The following SGMS1 variants were observed in gnomAD, a reference collection of about 807,000 sequenced individuals.
The protein encoded by SGMS1 is sphingomyelin synthase 1.
In SGMS1, 13 loss-of-function variants were observed where a neutral mutation model predicts 46.2. The ratio of observed to expected loss-of-function variants is 0.28; its 90% CI spans 0.18 to 0.45. The LOEUF (loss-of-function observed/expected upper bound fraction) is 0.45. Ranked by LOEUF, SGMS1 falls within the 20% of genes least tolerant of loss-of-function variation. The pLI, the probability that SGMS1 is intolerant of heterozygous loss-of-function variation, is 1.00. For missense variants in SGMS1, 324 were observed against 519.9 expected (o/e 0.62, Z 3.66); for synonymous variants, 203 against 187.8 (o/e 1.08, Z -0.66).
At chr10:50,312,421 C>A (rs1287868680) in intron 8 of SGMS1, among the ~76,000 whole-genome samples, 1 of 150,870 alleles carries the variant, frequency 6.6e-6, no homozygotes, top group Non-Finnish European at 1.5e-5. Flanking sequence ...TCACTGAATG[C>A]TCAACATAAT....
At chr10:50,525,178 T>G (rs1837890045) in intron 2 of SGMS1, among the ~76,000 whole-genome samples, 1 of 152,172 alleles carries the variant, frequency 6.6e-6, no homozygotes, top group Non-Finnish European at 1.5e-5. Flanking sequence ...CCTCAAGAAG[T>G]TCTTATACTG....
At chr10:50,549,114 A>T (rs572959401) in intron 2 of SGMS1, among the ~76,000 whole-genome samples, 2 of 152,362 alleles carry the variant, frequency 1.3e-5, no homozygotes, top group Admixed American at 6.5e-5. Flanking sequence ...AATTAGTCCA[A>T]CCATTGTGGA....
chr10:50,342,617 A>C (rs1477905848), intron 7 of SGMS1: 1 of 152,234 alleles, frequency 6.6e-6, no homozygotes, highest in Non-Finnish European at 1.5e-5. Context: ...CTTAATATTT[A>C]ACCACATGGT....
At chr10:50,425,271 T>C (rs1328312636) in intron 6 of SGMS1, among the ~76,000 whole-genome samples, 1 of 152,058 alleles carries the variant, frequency 6.6e-6, no homozygotes, top group East Asian at 1.9e-4. Flanking sequence ...AAATAAATCA[T>C]TATACCAAAA....
At chr10:50,508,551 T>G (rs1183319678) in intron 3 of SGMS1, among the ~76,000 whole-genome samples, 1 of 152,224 alleles carries the variant, frequency 6.6e-6, no homozygotes, top group African/African-American at 2.4e-5. Context: ...CCCTTTCTGA[T>G]GGGATTTCAC....
intron 6 of SGMS1, among the ~76,000 whole-genome samples, chr10:50,376,186 T>C (rs991743010): frequency 6.6e-6 from 1 of 152,076 alleles, no homozygotes; most frequent in Non-Finnish European, 1.5e-5. Flanking sequence ...GAGGGGGGTA[T>C]GTTCGCTGTG....
At chr10:50,607,844 T>C (rs1250857113) in intron 1 of SGMS1, among the ~76,000 whole-genome samples, 1 of 152,154 alleles carries the variant, frequency 6.6e-6, no homozygotes, top group African/African-American at 2.4e-5. Context: ...AAAAGATTAA[T>C]AAGTTGGAAA....
intron 1 of SGMS1, among the ~76,000 whole-genome samples, chr10:50,613,884 G>T (rs756965822): frequency 2.6e-5 from 4 of 152,200 alleles, no homozygotes; most frequent in Non-Finnish European, 5.9e-5. Context: ...ATGTGTGTAG[G>T]TGCTGTACTA....
At chr10:50,442,478 G>A (rs895965112) in intron 5 of SGMS1, among the ~76,000 whole-genome samples, 5 of 152,026 alleles carry the variant, frequency 3.3e-5, no homozygotes, top group Non-Finnish European at 7.4e-5. Context: ...TAAGAATAAC[G>A]GCCTCCAGCT....
intron 2 of SGMS1, among the ~76,000 whole-genome samples, chr10:50,569,299 T>TAAAAA (rs72066798): frequency 1.5e-5 from 2 of 130,526 alleles, no homozygotes; most frequent in Non-Finnish European, 3.2e-5. Context: ...CTTAAAGTAT[T>TAAAAA]AAAAAAAAAA....
intron 6 of SGMS1, among the ~76,000 whole-genome samples, chr10:50,348,152 G>T (rs1416772984): frequency 6.6e-6 from 1 of 152,092 alleles, no homozygotes; most frequent in Non-Finnish European, 1.5e-5. Context: ...GAGGATGATG[G>T]GTTCCAGCTT....
chr10:50,341,220 C>G (rs529687789), intron 7 of SGMS1: 57 of 413,730 alleles, frequency 1.4e-4, no homozygotes, highest in African/African-American at 1.0e-3. Context: ...TTTTAACCTT[C>G]TCTATGAGAG....
chr10:50,389,558 A>G (rs1235681816), intron 6 of SGMS1, among the ~76,000 whole-genome samples: 1 of 152,196 alleles, frequency 6.6e-6, no homozygotes, highest in Non-Finnish European at 1.5e-5. Flanking sequence ...AGGCTATGAG[A>G]GCAACTTCCC....
intron 1 of SGMS1, among the ~76,000 whole-genome samples, chr10:50,613,839 TATA>T (rs1054134476): frequency 5.3e-5 from 8 of 152,230 alleles, no homozygotes; most frequent in African/African-American, 1.9e-4. Context: ...AAACTTCTGC[TATA>T]ATAATAACTA....
intron 2 of SGMS1, among the ~76,000 whole-genome samples, chr10:50,562,562 G>C (rs900882555): frequency 6.6e-6 from 1 of 151,846 alleles, no homozygotes; most frequent in African/African-American, 2.4e-5. Flanking sequence ...CTCTTTTTTT[G>C]AGACGGAGTC....
chr10:50,461,189 T>C (rs1330216315), intron 4 of SGMS1, among the ~76,000 whole-genome samples: 1 of 152,222 alleles, frequency 6.6e-6, no homozygotes, highest in African/African-American at 2.4e-5. Context: ...AGTATAAGTT[T>C]GAAGTTTCAG....
chr10:50,353,689 C>T (rs902327089), intron 6 of SGMS1, among the ~76,000 whole-genome samples: 1 of 152,288 alleles, frequency 6.6e-6, no homozygotes, highest in African/African-American at 2.4e-5. Flanking sequence ...TCTAGAAAAC[C>T]CCATCGTCTC....
At chr10:50,557,433 T>C (rs925021859) in intron 2 of SGMS1, among the ~76,000 whole-genome samples, 1 of 152,114 alleles carries the variant, frequency 6.6e-6, no homozygotes, top group African/African-American at 2.4e-5. Flanking sequence ...TGCTTACACA[T>C]AGGAATAAAG....
intron 6 of SGMS1, among the ~76,000 whole-genome samples, chr10:50,349,510 G>C (rs1304327488): frequency 6.6e-6 from 1 of 151,796 alleles, no homozygotes; most frequent in African/African-American, 2.4e-5. Context: ...CTGGGAAATA[G>C]GATTAACAAC....
Sources: allele counts gnomAD v4.1 joint callset (sites outside exome capture counted in the v4.1 genomes callset), GRCh38; gene constraint gnomAD v4.1.1; transcripts MANE v1.5; gene names NCBI Gene and HGNC (gene_info 2026-07-23, HGNC 2026-07-21).